Variants in SLC22A23 observed in about 807,000 individuals in gnomAD.
SLC22A23 encodes the protein ion transporter protein.
In SLC22A23, 26 loss-of-function variants were observed where a neutral mutation model predicts 61.0. That is an observed-to-expected ratio of 0.43 (90% CI 0.31 to 0.59). The LOEUF (loss-of-function observed/expected upper bound fraction) is 0.59. SLC22A23 is among the 20% of genes least tolerant of loss of function. The pLI is 0.11. For missense variants in SLC22A23, 796 were observed against 934.7 expected (o/e 0.85, Z 1.94); for synonymous variants, 430 against 413.9 (o/e 1.04, Z -0.47).
intron 1 of SLC22A23, among the ~76,000 whole-genome samples, chr6:3,434,626 T>C (rs1313432343): frequency 1.3e-5 from 2 of 149,522 alleles, no homozygotes; most frequent in Admixed American, 6.7e-5. Flanking sequence ...AAAAAATCTG[T>C]GAAATTATTT....
At chr6:3,362,938 T>C (rs893481256) in intron 3 of SLC22A23, among the ~76,000 whole-genome samples, 6 of 152,222 alleles carry the variant, frequency 3.9e-5, no homozygotes, top group Middle Eastern at 3.2e-3. Flanking sequence ...AATGAAATAT[T>C]AAATAGGCTT....
chr6:3,422,285 C>T (rs1245155610), intron 1 of SLC22A23, among the ~76,000 whole-genome samples: 2 of 152,116 alleles, frequency 1.3e-5, no homozygotes, highest in Non-Finnish European at 2.9e-5. Context: ...CATGGACGTG[C>T]GGTGCTCTGC....
chr6:3,454,690 C>T lies in SLC22A23; in HGVS notation c.654+1216G>A, dbSNP rs1038559604. Among the ~76,000 whole-genome samples, 1 of 152,192 alleles carries T rather than the reference C, an allele frequency of 6.6e-6. No individual in the cohort carries two copies. Among genetic ancestry groups the T allele is most frequent in the African/African-American group, 2.4e-5 (1 of 41,446 alleles). On this transcript the variant is annotated intron_variant, in intron 1 of 9. Transcript: ENST00000406686. The surrounding 1 kb of genome is among the most constrained non-coding windows in gnomAD (Gnocchi z 4.3). ...CAGCTAGAAGGACCTTCCCCATTACCTTGCAGGGCAGCAGGGGCAGCTCAG... is the reference window on the plus strand; with the variant it reads ...CAGCTAGAAGGACCTTCCCCATTACTTTGCAGGGCAGCAGGGGCAGCTCAG...
intron 5 of SLC22A23, among the ~76,000 whole-genome samples, chr6:3,294,880 C>T (rs879758844): frequency 2.6e-5 from 4 of 152,194 alleles, no homozygotes; most frequent in Admixed American, 1.3e-4. Context: ...ATCAGGTTTT[C>T]CCCCGGCATA....
intron 4 of SLC22A23, among the ~76,000 whole-genome samples, chr6:3,314,810 G>A (rs1034083627): frequency 3.3e-5 from 5 of 152,070 alleles, no homozygotes; most frequent in South Asian, 4.1e-4. Flanking sequence ...TGTCTTCTCC[G>A]GGCCAGTGTC....
At chr6:3,303,817 CAT>C (rs1761786126) in intron 4 of SLC22A23, among the ~76,000 whole-genome samples, 1 of 152,144 alleles carries the variant, frequency 6.6e-6, no homozygotes, top group Admixed American at 6.5e-5. Flanking sequence ...AATAATATAT[CAT>C]ATAGTTTCAA....
At chr6:3,292,650 G>A (rs1379706114) in intron 5 of SLC22A23, among the ~76,000 whole-genome samples, 5 of 152,338 alleles carry the variant, frequency 3.3e-5, no homozygotes, top group African/African-American at 4.8e-5. Flanking sequence ...ACGGATCCCC[G>A]TGTGGTCGGG....
intron 1 of SLC22A23, among the ~76,000 whole-genome samples, chr6:3,435,578 T>C (rs1771153962): frequency 6.6e-6 from 1 of 151,898 alleles, no homozygotes; most frequent in Non-Finnish European, 1.5e-5. Flanking sequence ...CACATCTGAT[T>C]TACAACAGAC....
At chr6:3,290,298 T>TCA (rs1457642052) in intron 5 of SLC22A23, 2 of 208,656 alleles carry the variant, frequency 9.6e-6, no homozygotes, top group African/African-American at 4.7e-5. Context: ...TCTGCCTGTG[T>TCA]CACCCCCGGC....
At chr6:3,282,961 TAGGGAG>T (rs554942378) in intron 9 of SLC22A23, among the ~76,000 whole-genome samples, 22 of 152,088 alleles carry the variant, frequency 1.4e-4, no homozygotes, top group Admixed American at 5.3e-4. Context: ...TCACACCTTT[TAGGGAG>T]GTATGAAATG....
Position 3,273,277 on chromosome 6 carries a change from G to A in SLC22A23, c.1839C>T (p.Ile613=). 1 of 1,613,868 alleles carries A rather than the reference G, an allele frequency of 6.2e-7. No homozygotes were observed. Among genetic ancestry groups the A allele is most frequent in the Non-Finnish European group, 8.5e-7 (1 of 1,179,778 alleles). The change falls in exon 10 of 10, where the codon ATC becomes ATT. Residue 613 remains isoleucine, a synonymous_variant. Coordinates refer to ENST00000406686, the MANE Select transcript of SLC22A23 (RefSeq NM_015482.2). The stretch of plus-strand genomic sequence containing the variant: ...TGCTCTCGGGCAGCAGGAGGATGCA[G>A]ATGATGCAGATGAGCGTGCAGCAGG... ...IFACCTLICI[I]CILLLPESRD...
chr6:3,395,790 G>A (rs1767966347), intron 3 of SLC22A23, among the ~76,000 whole-genome samples: 1 of 152,192 alleles, frequency 6.6e-6, no homozygotes, highest in African/African-American at 2.4e-5. Context: ...ATCTGAATCT[G>A]AAGCTACATC....
At chr6:3,323,658 C>T in intron 4 of SLC22A23, 176 bp downstream of exon 4, 1 of 759,942 alleles carries the variant, frequency 1.3e-6, no homozygotes, top group Non-Finnish European at 2.1e-6. Flanking sequence ...GAACAGTTTT[C>T]CAAGACAGAA....
intron 5 of SLC22A23, chr6:3,291,824 T>C (rs1194949785): frequency 1.3e-5 from 2 of 152,214 alleles, no homozygotes; most frequent in African/African-American, 4.8e-5. Flanking sequence ...AAAATTTCAA[T>C]GTCCATTAGC....
chr6:3,358,278 C>T (rs373212335), intron 3 of SLC22A23, among the ~76,000 whole-genome samples: 6 of 141,900 alleles, frequency 4.2e-5, no homozygotes, highest in Admixed American at 2.8e-4. Flanking sequence ...AGCGCTCCCA[C>T]GTTCACTGCA....
In SLC22A23 at chr6:3,456,165, C is replaced by T. The variant is rs757583274; in HGVS notation, c.395G>A (p.Gly132Asp). Residue 132 changes from glycine (G) to aspartate (D), a missense_variant, in exon 1 of 10, where the codon GGC (glycine) becomes GAC (aspartate). By Grantham distance (94) the Gly-to-Asp change is moderately conservative (BLOSUM62 -1). Transcript: ENST00000406686. The surrounding 1 kb of genome is among the most constrained non-coding windows in gnomAD (Gnocchi z 7.1). ...GACCCCTGCCAGCTCGGTGCCTTTG[C>T]CGGCCCCGCGGCACCAGAAGTTGGG... ...DQPNFWCRGA[G>D]KGTELAGVTT... is the part of the protein sequence containing the mutation. 5.2e-6 allele frequency: 8 copies of T among 1,551,274 alleles called. No homozygotes were observed. The highest frequency in any genetic ancestry group is 2.4e-5 in the East Asian group (1 of 41,002).
intron 3 of SLC22A23, among the ~76,000 whole-genome samples, chr6:3,379,896 C>G (rs1766844702): frequency 6.6e-6 from 1 of 152,138 alleles, no homozygotes. Flanking sequence ...ACACATTTCC[C>G]CAGTATCAGG....
chr6:3,288,690 A>G (rs1760283930), intron 6 of SLC22A23, among the ~76,000 whole-genome samples: 2 of 152,262 alleles, frequency 1.3e-5, no homozygotes, highest in Non-Finnish European at 2.9e-5. Context: ...TTTCCAACAT[A>G]AAATGTAGAG....
intron 5 of SLC22A23, chr6:3,291,116 C>T (rs541027125): frequency 6.6e-6 from 1 of 152,288 alleles, no homozygotes; most frequent in Non-Finnish European, 1.5e-5. Flanking sequence ...AACAGTACCA[C>T]GACAGTATCA....
Sources: gnomAD v4.1 joint callset for allele counts (sites outside exome capture counted in the v4.1 genomes callset) on GRCh38, gnomAD v4.1.1 for gene constraint, Gnocchi (gnomAD v3.1) non-coding constraint, MANE v1.5 for transcripts, NCBI Gene and HGNC (gene_info 2026-07-23, HGNC 2026-07-21) for gene names.